Variants in GMEB1 observed in about 807,000 individuals in gnomAD.
GMEB1 encodes glucocorticoid modulatory element-binding protein 1.
GMEB1 carries 6 observed loss-of-function variants against 52.4 expected under a neutral mutation model. The ratio of observed to expected loss-of-function variants is 0.11; its 90% CI spans 0.06 to 0.23. The LOEUF (loss-of-function observed/expected upper bound fraction) is 0.23. Among genes scored for constraint, GMEB1 ranks in the 10% least tolerant of loss-of-function variants. The probability of loss-of-function intolerance (pLI) is 1.00; values close to 1 mark genes in which losing one functional copy is unlikely to be tolerated. For missense variants in GMEB1, 486 were observed against 685.6 expected (o/e 0.71, Z 3.25); for synonymous variants, 255 against 244.9 (o/e 1.04, Z -0.38).
At chr1:28,686,817 A>G (rs1188677791) in intron 2 of GMEB1, among the ~76,000 whole-genome samples, 2 of 152,022 alleles carry the variant, frequency 1.3e-5, no homozygotes, top group East Asian at 1.9e-4. Context: ...CAGTCAGTCA[A>G]CTACATGCTG....
chr1:28,710,609 C>A lies in GMEB1; in HGVS notation c.958C>A (p.Gln320Lys). 6.2e-7 allele frequency: 1 copy of A among 1,605,922 alleles called. No individual in the cohort carries two copies. Among genetic ancestry groups the A allele is most frequent in the Admixed American group, 1.7e-5 (1 of 59,100 alleles). The stretch of plus-strand genomic sequence containing the variant: ...AGACAACAGAAGGAACCAAGTAGAG[C>A]AGGGAGAAGAACAGTTTCTCTATAC... Reference protein sequence around the residue: ...VLDNRRNQVEQGEEQFLYTLT... With the variant: ...VLDNRRNQVEKGEEQFLYTLT... The change falls in exon 9 of 10, where the codon CAG (glutamine) becomes AAG (lysine). Residue 320 changes from glutamine (Q) to lysine (K), a missense_variant. Physicochemically the swap from Gln to Lys is moderately conservative, Grantham distance 53. Coordinates refer to ENST00000373816, the MANE Select transcript of GMEB1 (RefSeq NM_001319674.2).
rs781581800 is a variant in GMEB1 at position 28,683,591 on chromosome 1, G to A, written c.-22G>A. ...CTTCTTGTTCCCGACAGCAGTCCCAGCTATCTGACTTCATGTGAAAGATGG... is the reference window on the plus strand; with the variant it reads ...CTTCTTGTTCCCGACAGCAGTCCCAACTATCTGACTTCATGTGAAAGATGG... On this transcript the variant is annotated 5_prime_UTR_variant, in exon 2 of 10. Transcript: ENST00000373816. 2 of 1,588,104 alleles carry A rather than the reference G, an allele frequency of 1.3e-6. 1 individual carries two copies. The highest frequency in any genetic ancestry group is 2.3e-5 in the South Asian group (2 of 87,108).
intron 6 of GMEB1, among the ~76,000 whole-genome samples, chr1:28,699,669 A>T (rs2124546063): frequency 6.6e-6 from 1 of 151,692 alleles, no homozygotes; most frequent in East Asian, 1.9e-4. Context: ...ACTTGAGGTG[A>T]TCCACCCACC....
intron 1 of GMEB1, among the ~76,000 whole-genome samples, chr1:28,671,576 C>CA (rs1165265150): frequency 6.6e-6 from 1 of 151,868 alleles, no homozygotes; most frequent in East Asian, 1.9e-4. Flanking sequence ...CCCGTCTCTA[C>CA]AAAAAATGAC....
rs958400735 is a variant in GMEB1, at chr1:28,692,252, C to G, written c.336+543C>G. ...TTGCATCTTCAAAAAAAACTATTGG[C>G]TGGGTGAGGTGGCTCATGCCTGTAA... On this transcript the variant is annotated intron_variant, in intron 4 of 9. Transcript: ENST00000373816. Among the ~76,000 whole-genome samples, 3 of 145,346 alleles carry G rather than the reference C, an allele frequency of 2.1e-5. No individual in the cohort carries two copies. In the Admixed American group the frequency reaches 2.1e-4, roughly 10 times the overall value.
chr1:28,705,979 C>T (rs1352511276), intron 8 of GMEB1, among the ~76,000 whole-genome samples: 4 of 149,980 alleles, frequency 2.7e-5, no homozygotes, highest in Non-Finnish European at 4.4e-5. Flanking sequence ...ACGGTGAAAC[C>T]CCGTCTCTAC....
intron 2 of GMEB1, chr1:28,689,620 C>T (rs1669860728): frequency 6.6e-6 from 1 of 152,352 alleles, no homozygotes; most frequent in South Asian, 2.1e-4. Flanking sequence ...CAGAGCGAGA[C>T]TCTATGTCTC....
chr1:28,704,941 G>A (rs1332709323), intron 8 of GMEB1, among the ~76,000 whole-genome samples: 2 of 151,872 alleles, frequency 1.3e-5, no homozygotes, highest in African/African-American at 4.8e-5. Flanking sequence ...GTCAGGTATG[G>A]TTGGTAGTGG....
chr1:28,670,042 A>G (rs1012681791), intron 1 of GMEB1, among the ~76,000 whole-genome samples: 1 of 152,186 alleles, frequency 6.6e-6, no homozygotes, highest in African/African-American at 2.4e-5. Context: ...GTTTAGGCCA[A>G]TCAAGACGGG....
At chr1:28,684,938 A>G (rs1355133151) in intron 2 of GMEB1, among the ~76,000 whole-genome samples, 1 of 152,202 alleles carries the variant, frequency 6.6e-6, no homozygotes, top group African/African-American at 2.4e-5. Flanking sequence ...CCATGAAGGC[A>G]TGATTTACTT....
Position 28,714,795 on chromosome 1 carries a change from G to A in GMEB1, c.*22G>A, listed in dbSNP as rs774124236. 2.0e-6 allele frequency: 3 copies of A among 1,475,768 alleles called. No individual in the cohort carries two copies. Among genetic ancestry groups the A allele is most frequent in the South Asian group, 1.2e-5 (1 of 85,790 alleles). The allele number at this position is 1,475,768 out of a possible 1,614,324, so 91.4% of individuals were successfully genotyped here. ...TTAACTGGGGATCTCAGGGCCAGGAGTTATGTTTTGATTTGGAATTTTAAT... is the reference window on the plus strand; with the variant it reads ...TTAACTGGGGATCTCAGGGCCAGGAATTATGTTTTGATTTGGAATTTTAAT... On this transcript the variant is annotated 3_prime_UTR_variant, in exon 10 of 10. Transcript: ENST00000373816.
Position 28,711,661 on chromosome 1 carries a change from C to T in GMEB1, c.991+1019C>T, listed in dbSNP as rs142623208. On this transcript the variant is annotated intron_variant, in intron 9 of 9. Transcript: ENST00000373816. ...GTAGAGATGGGGTTTTACCACATTG[C>T]CCAGGCTGGTCTCAAACTCCTGGAC... Among the ~76,000 whole-genome samples, 947 of 152,128 alleles carry T rather than the reference C, an allele frequency of 6.2e-3. 4 individuals carry two copies. The highest frequency in any genetic ancestry group is 0.01 in the Middle Eastern group (3 of 294).
chr1:28,706,901 C>T (rs184516770), intron 8 of GMEB1, among the ~76,000 whole-genome samples: 426 of 150,630 alleles, frequency 2.8e-3, no homozygotes, highest in African/African-American at 9.1e-3. Context: ...TCCTGACCTC[C>T]GGTAATCCAC....
chr1:28,702,709 C>T (rs1670573775), intron 7 of GMEB1, 140 bp downstream of exon 7: 1 of 670,914 alleles, frequency 1.5e-6, no homozygotes, highest in Non-Finnish European at 2.5e-6. Context: ...TACAAACATC[C>T]TACTTTAATC....
intron 6 of GMEB1, among the ~76,000 whole-genome samples, chr1:28,700,044 G>C (rs1468410883): frequency 7.2e-6 from 1 of 138,952 alleles, no homozygotes; most frequent in Admixed American, 7.6e-5. Context: ...TGACAGGAGC[G>C]AGAGACCCTG....
In GMEB1 at chr1:28,714,340, G is replaced by T; in HGVS notation, c.1259G>T (p.Gly420Val). ...ATTCCAGTGGCCACCCTCAGCCAGG[G>T]CTCCAGTCCTGTGACTGTCCACACA... ...GNIPVATLSQ[G>V]SSPVTVHTLP... Residue 420 changes from glycine to valine, a missense_variant, in exon 10 of 10, where the codon GGC (glycine) becomes GTC (valine). By Grantham distance (109) the Gly-to-Val change is moderately radical. Around this residue, in one of 5 missense-constraint regions of GMEB1, gnomAD observed 153 missense variants for 200.8 expected, o/e 0.76. Coordinates refer to ENST00000373816, the MANE Select transcript of GMEB1 (RefSeq NM_001319674.2). The T allele has an allele frequency of 6.2e-7, 1 of 1,614,172 alleles. No homozygotes were observed. Among genetic ancestry groups the T allele is most frequent in the Non-Finnish European group, 8.5e-7 (1 of 1,180,036 alleles).
intron 1 of GMEB1, among the ~76,000 whole-genome samples, chr1:28,671,254 G>C (rs1225481618): frequency 6.6e-6 from 1 of 152,138 alleles, no homozygotes; most frequent in Non-Finnish European, 1.5e-5. Context: ...CTGTAGTTTA[G>C]AGTGGAAATT....
intron 5 of GMEB1, among the ~76,000 whole-genome samples, chr1:28,695,672 C>A (rs1337202646): frequency 2.0e-5 from 3 of 150,250 alleles, no homozygotes; most frequent in Non-Finnish European, 2.9e-5. Flanking sequence ...GGCGCGGTGG[C>A]TCACGCCTGT....
chr1:28,671,355 G>C (rs527950899), intron 1 of GMEB1, among the ~76,000 whole-genome samples: 1 of 152,160 alleles, frequency 6.6e-6, no homozygotes, highest in Admixed American at 6.6e-5. Context: ...CTGCAAACTC[G>C]ATCCTCTCAG....
Sources: gnomAD v4.1 joint callset for allele counts (sites outside exome capture counted in the v4.1 genomes callset) on GRCh38, gnomAD v4.1.1 for gene constraint, gnomAD v4.1.1 regional missense constraint, MANE v1.5 for transcripts, NCBI Gene and HGNC (gene_info 2026-07-23, HGNC 2026-07-21) for gene names.